The following ERC2 variants were observed in gnomAD, a reference collection of about 807,000 sequenced individuals.
ERC2 encodes the protein ELKS/RAB6-interacting/CAST family member 2.
In ERC2, 42 loss-of-function variants were observed where a neutral mutation model predicts 114.8. That is an observed-to-expected ratio of 0.37 (90% CI 0.29 to 0.47). The LOEUF (loss-of-function observed/expected upper bound fraction) is 0.47, where lower values mean the gene tolerates loss of function less well. Ranked by LOEUF, ERC2 falls within the 20% of genes least tolerant of loss-of-function variation. The pLI is 0.99. For missense variants in ERC2, 939 were observed against 1,150.7 expected (o/e 0.82, Z 2.66); for synonymous variants, 454 against 425.5 (o/e 1.07, Z -0.82).
intron 7 of ERC2, among the ~76,000 whole-genome samples, chr3:56,035,518 G>A (rs1473099897): frequency 2.6e-5 from 4 of 152,236 alleles, no homozygotes; most frequent in Admixed American, 2.6e-4. Context: ...CAAGAGTACT[G>A]TGAGGTGGGA....
At chr3:55,786,857 A>G (rs1480384195) in intron 14 of ERC2, among the ~76,000 whole-genome samples, 1 of 152,144 alleles carries the variant, frequency 6.6e-6, no homozygotes, top group Admixed American at 6.5e-5. Context: ...TGAGTAATGA[A>G]AAAATGTCCC....
At chr3:55,652,819 C>A (rs1435878222) in intron 17 of ERC2, among the ~76,000 whole-genome samples, 1 of 145,470 alleles carries the variant, frequency 6.9e-6, no homozygotes, top group Non-Finnish European at 1.5e-5. Flanking sequence ...AAGATCACGC[C>A]ATTGCCCTCC....
At chr3:55,775,817 C>T (rs2149037580) in intron 14 of ERC2, among the ~76,000 whole-genome samples, 1 of 152,304 alleles carries the variant, frequency 6.6e-6, no homozygotes, top group Non-Finnish European at 1.5e-5. Context: ...ACCAACTTTT[C>T]CCTGCGAACT....
At chr3:55,820,858 C>A (rs1014681840) in intron 14 of ERC2, among the ~76,000 whole-genome samples, 1 of 152,164 alleles carries the variant, frequency 6.6e-6, no homozygotes, top group African/African-American at 2.4e-5. Flanking sequence ...ATTTAGTGAG[C>A]CCTGGGCCAA....
chr3:55,715,260 C>A (rs1263658555), intron 15 of ERC2, among the ~76,000 whole-genome samples: 1 of 152,170 alleles, frequency 6.6e-6, no homozygotes, highest in African/African-American at 2.4e-5. Flanking sequence ...TTCAAGTCCT[C>A]CCCCAAGAAT....
intron 14 of ERC2, among the ~76,000 whole-genome samples, chr3:55,844,046 T>C (rs2061249371): frequency 6.6e-6 from 1 of 152,220 alleles, no homozygotes; most frequent in South Asian, 2.1e-4. Context: ...AAACGAACAT[T>C]TTTGAATTCC....
At chr3:56,152,828 A>G (rs1314373270) in intron 4 of ERC2, among the ~76,000 whole-genome samples, 2 of 152,184 alleles carry the variant, frequency 1.3e-5, no homozygotes, top group Non-Finnish European at 2.9e-5. Flanking sequence ...CTTCTAATTA[A>G]AGATTCATAC....
At chr3:55,721,061 C>T (rs1030389682) in intron 15 of ERC2, among the ~76,000 whole-genome samples, 1 of 152,232 alleles carries the variant, frequency 6.6e-6, no homozygotes, top group African/African-American at 2.4e-5. Context: ...AGCTTTCCTT[C>T]TTCACTGTTG....
At chr3:55,754,291 A>G in intron 14 of ERC2, among the ~76,000 whole-genome samples, 1 of 152,082 alleles carries the variant, frequency 6.6e-6, no homozygotes, top group Non-Finnish European at 1.5e-5. Flanking sequence ...CCATGGTATC[A>G]CAATTCCACT....
At chr3:55,788,325 G>A (rs1408983255) in intron 14 of ERC2, among the ~76,000 whole-genome samples, 2 of 152,132 alleles carry the variant, frequency 1.3e-5, no homozygotes, top group African/African-American at 4.8e-5. Flanking sequence ...ACCACAGCAG[G>A]AGCCACTCTG....
At chr3:56,300,375 A>G (rs2055788679) in intron 2 of ERC2, among the ~76,000 whole-genome samples, 2 of 152,120 alleles carry the variant, frequency 1.3e-5, no homozygotes, top group Non-Finnish European at 1.5e-5. Context: ...CTATGTCATG[A>G]GGGTTACAAT....
At chr3:56,368,754 G>A (rs577071381) in intron 2 of ERC2, among the ~76,000 whole-genome samples, 2 of 151,732 alleles carry the variant, frequency 1.3e-5, no homozygotes. Flanking sequence ...ACAGGTTAAG[G>A]CCCCCTTCCC....
At position 56,222,707 on chromosome 3, in the gene ERC2, T is replaced by C. The variant is rs150436025; in HGVS notation, c.1075-49187A>G. Among the ~76,000 whole-genome samples the C allele has an allele frequency of 2.6e-3, 391 of 152,278 alleles. 1 individual carries two copies. The highest frequency in any genetic ancestry group is 0.018 in the South Asian group (87 of 4,824). On this transcript the variant is annotated intron_variant, in intron 3 of 17. Transcript: ENST00000288221. Reference sequence around the variant, plus strand: ...TCCACACCTCCCCCATAGTAAATGCTCAACAAATATTGAATAGATGAATGA... The same window carrying C: ...TCCACACCTCCCCCATAGTAAATGCCCAACAAATATTGAATAGATGAATGA...
intron 7 of ERC2, among the ~76,000 whole-genome samples, chr3:56,023,862 G>A (rs2073888929): frequency 6.6e-6 from 1 of 150,402 alleles, no homozygotes; most frequent in East Asian, 2.0e-4. Flanking sequence ...AGTAGGTGAC[G>A]GCTGAGTCCC....
chr3:55,915,589 T>C (rs2065047294), intron 13 of ERC2, among the ~76,000 whole-genome samples: 1 of 152,166 alleles, frequency 6.6e-6, no homozygotes, highest in Non-Finnish European at 1.5e-5. Context: ...TTTGAGCTAA[T>C]GGGGATGTAC....
intron 14 of ERC2, among the ~76,000 whole-genome samples, chr3:55,804,560 A>G (rs570066825): frequency 6.6e-6 from 1 of 152,234 alleles, no homozygotes; most frequent in South Asian, 2.1e-4. Flanking sequence ...CACTGCTGTG[A>G]GAGAACTGAG....
chr3:56,048,564 T>C (rs2149678978), intron 7 of ERC2, among the ~76,000 whole-genome samples: 1 of 152,320 alleles, frequency 6.6e-6, no homozygotes. Context: ...AGGTCCAGTC[T>C]CAGTGAGAAT....
At chr3:56,423,924 G>A (rs997108540) in intron 2 of ERC2, among the ~76,000 whole-genome samples, 4 of 152,184 alleles carry the variant, frequency 2.6e-5, no homozygotes, top group African/African-American at 7.2e-5. Context: ...AACTGGGGGT[G>A]GTGGGAATTT....
At chr3:56,144,293 T>G (rs947924336) in intron 5 of ERC2, among the ~76,000 whole-genome samples, 9 of 152,170 alleles carry the variant, frequency 5.9e-5, no homozygotes, top group African/African-American at 1.9e-4. Flanking sequence ...AAGAATATAG[T>G]ATAAATAAAA....
Sources: allele counts gnomAD v4.1 joint callset (sites outside exome capture counted in the v4.1 genomes callset), GRCh38; gene constraint gnomAD v4.1.1; transcripts MANE v1.5; gene names NCBI Gene and HGNC (gene_info 2026-07-23, HGNC 2026-07-21).